Variants in SPECC1 observed in about 807,000 individuals in gnomAD.
SPECC1 encodes cytospin-B.
In SPECC1, 62 loss-of-function variants were observed where a neutral mutation model predicts 104.1. The observed-to-expected ratio is 0.60, with a 90% CI of 0.49 to 0.74. SPECC1 has a LOEUF of 0.74. Ranked by LOEUF, SPECC1 falls within the 30% of genes least tolerant of loss-of-function variation. The pLI, the probability that SPECC1 is intolerant of heterozygous loss-of-function variation, is 0.00. For synonymous variants in SPECC1, 513 were observed against 501.6 expected (o/e 1.02, Z -0.30); for missense variants, 1,306 against 1,310.5 (o/e 1.00, Z 0.05).
chr17:20,197,636 C>G (rs1391294164), intron 3 of SPECC1, among the ~76,000 whole-genome samples: 1 of 152,154 alleles, frequency 6.6e-6, no homozygotes, highest in African/African-American at 2.4e-5. Flanking sequence ...AAGGCAGAGA[C>G]CAAAAGTACT....
intron 1 of SPECC1, among the ~76,000 whole-genome samples, chr17:20,060,113 T>C (rs145188218): frequency 6.7e-4 from 102 of 152,354 alleles, no homozygotes; most frequent in African/African-American, 2.4e-3. Flanking sequence ...TTCTAAAGAA[T>C]GTTCCATTAG....
At chr17:20,016,421 C>T (rs2044128573) in intron 1 of SPECC1, among the ~76,000 whole-genome samples, 1 of 152,106 alleles carries the variant, frequency 6.6e-6, no homozygotes. Context: ...TCTGGGCTGG[C>T]CAAGGCTGGA....
chr17:20,109,182 T>TA (rs2048365589), intron 2 of SPECC1, among the ~76,000 whole-genome samples: 2 of 152,230 alleles, frequency 1.3e-5, no homozygotes, highest in Admixed American at 1.3e-4. Context: ...TGCAAATATT[T>TA]AAACTTCTAA....
chr17:20,155,965 GGGGCGGGCCGCGA>G (rs1202448333), intron 3 of SPECC1: 2 of 1,260,712 alleles, frequency 1.6e-6, no homozygotes, highest in South Asian at 2.7e-5. Context: ...GCAGATGAAG[GGGGCGGGCCGCGA>G]GGGCGGGCTT....
intron 1 of SPECC1, among the ~76,000 whole-genome samples, chr17:20,035,309 A>T (rs8069605): frequency 7.7e-4 from 117 of 152,238 alleles, no homozygotes; most frequent in African/African-American, 2.6e-3. Context: ...GATCTTGTCT[A>T]TATCTATGTA....
intron 3 of SPECC1, among the ~76,000 whole-genome samples, chr17:20,147,106 G>T (rs1238776722): frequency 7.1e-6 from 1 of 140,922 alleles, no homozygotes; most frequent in South Asian, 2.2e-4. Flanking sequence ...TTTTTGAGAC[G>T]GAGTTTCGCT....
intron 1 of SPECC1, among the ~76,000 whole-genome samples, chr17:20,026,000 A>G (rs1428937138): frequency 1.3e-5 from 2 of 152,130 alleles, no homozygotes; most frequent in African/African-American, 2.4e-5. Context: ...TTATTGGCCA[A>G]TTGTATATAG....
At chr17:20,236,843 C>T (rs762786062) in intron 7 of SPECC1, 30 of 1,613,686 alleles carry the variant, frequency 1.9e-5, no homozygotes, top group South Asian at 9.9e-5. Context: ...CTCTCCCTCC[C>T]GTTTCTATTT....
At chr17:20,214,586 C>T (rs1330510247) in intron 4 of SPECC1, among the ~76,000 whole-genome samples, 1 of 152,184 alleles carries the variant, frequency 6.6e-6, no homozygotes, top group East Asian at 1.9e-4. Context: ...TCACGCACTG[C>T]AGCCTCCACC....
intron 3 of SPECC1, among the ~76,000 whole-genome samples, chr17:20,115,937 A>G (rs1048366110): frequency 1.3e-5 from 2 of 152,204 alleles, no homozygotes; most frequent in African/African-American, 4.8e-5. Context: ...AGGGAACAAA[A>G]TGATGATTGT....
At chr17:20,271,383 T>A (rs2040401458) in intron 12 of SPECC1, among the ~76,000 whole-genome samples, 1 of 151,978 alleles carries the variant, frequency 6.6e-6, no homozygotes, top group Non-Finnish European at 1.5e-5. Flanking sequence ...CATTCTTTCA[T>A]GGTTGTACAT....
intron 1 of SPECC1, among the ~76,000 whole-genome samples, chr17:20,083,342 A>T (rs1383715959): frequency 6.6e-6 from 1 of 152,160 alleles, no homozygotes; most frequent in Admixed American, 6.5e-5. Flanking sequence ...ACAAGAGAGG[A>T]CATAGACAAA....
At chr17:20,256,376 C>G (rs887932274) in intron 10 of SPECC1, among the ~76,000 whole-genome samples, 20 of 152,122 alleles carry the variant, frequency 1.3e-4, no homozygotes, top group Admixed American at 1.1e-3. Context: ...CCAGGAATTG[C>G]TTGTCAACAC....
intron 1 of SPECC1, among the ~76,000 whole-genome samples, chr17:20,060,804 G>A (rs894478763): frequency 2.0e-5 from 3 of 152,180 alleles, no homozygotes; most frequent in African/African-American, 4.8e-5. Flanking sequence ...CTGAACTGAT[G>A]TGATGGTACA....
intron 2 of SPECC1, among the ~76,000 whole-genome samples, chr17:20,104,655 A>G (rs1027230876): frequency 1.4e-5 from 2 of 147,356 alleles, no homozygotes; most frequent in African/African-American, 5.0e-5. Flanking sequence ...AGACAGGAGA[A>G]TCGTTCAAAT....
At chr17:20,239,875 T>C (rs1265281671) in intron 7 of SPECC1, among the ~76,000 whole-genome samples, 2 of 125,200 alleles carry the variant, frequency 1.6e-5, no homozygotes, top group Non-Finnish European at 3.2e-5. Context: ...TGCATTTCGC[T>C]GAGTTTTTTT....
At position 20,303,725 on chromosome 17, in the gene SPECC1, G is replaced by C. The variant is rs958681313; in HGVS notation, c.3058-2298G>C. On this transcript the variant is annotated intron_variant, in intron 13 of 14. Coordinates refer to ENST00000395527, the MANE Select transcript of SPECC1 (RefSeq NM_001243439.2). ...CCCAGCAGTTCGGAAGACTTTGACA[G>C]GCGGATCACCTGAGGTCAGGAGTTC... is the stretch of plus-strand genomic sequence containing the variant. Among the ~76,000 whole-genome samples, 14 of 152,284 alleles carry C rather than the reference G, an allele frequency of 9.2e-5. No individual in the cohort carries two copies. In the East Asian group the frequency reaches 2.7e-3, roughly 29 times the overall value.
At chr17:20,121,970 G>A (rs967335767) in intron 3 of SPECC1, among the ~76,000 whole-genome samples, 1 of 152,234 alleles carries the variant, frequency 6.6e-6, no homozygotes, top group African/African-American at 2.4e-5. Flanking sequence ...TAGGCAAAAG[G>A]ACTATATGAG....
At chr17:20,081,889 A>G (rs1351276617) in intron 1 of SPECC1, among the ~76,000 whole-genome samples, 1 of 152,038 alleles carries the variant, frequency 6.6e-6, no homozygotes, top group South Asian at 2.1e-4. Context: ...CCTGGGGCCC[A>G]TGTGTGCCAG....
Sources: allele counts gnomAD v4.1 joint callset (sites outside exome capture counted in the v4.1 genomes callset), GRCh38; gene constraint gnomAD v4.1.1; transcripts MANE v1.5; gene names NCBI Gene and HGNC (gene_info 2026-07-23, HGNC 2026-07-21).